KCNC2: variants seen among roughly 807,000 people sequenced by gnomAD.
KCNC2 encodes potassium voltage-gated channel subfamily C member 2.
KCNC2 carries 21 observed loss-of-function variants against 44.5 expected under a neutral mutation model. The ratio of observed to expected loss-of-function variants is 0.47; its 90% CI spans 0.33 to 0.68. KCNC2 has a LOEUF of 0.68. KCNC2 is among the 30% of genes least tolerant of loss of function. KCNC2 has a pLI of 0.01. For synonymous variants in KCNC2, 391 were observed against 339.1 expected, an observed-to-expected ratio of 1.15 and a Z score of -1.68; for missense variants, 589 against 826.2, an observed-to-expected ratio of 0.71 and a Z score of 3.52.
chr12:75,204,382 C>T (rs995484680), intron 2 of KCNC2, among the ~76,000 whole-genome samples: 1 of 151,872 alleles, frequency 6.6e-6, no homozygotes, highest in Non-Finnish European at 1.5e-5. Context: ...GTTTTGTCTG[C>T]CATTTAAATC....
At chr12:75,107,032 T>C (rs1350721333) in intron 2 of KCNC2, among the ~76,000 whole-genome samples, 6 of 151,612 alleles carry the variant, frequency 4.0e-5, no homozygotes, top group Middle Eastern at 3.2e-3. Context: ...GGGCTGGGCG[T>C]GGTGGCTCAC....
At chr12:75,162,659 G>A (rs897128314) in intron 2 of KCNC2, among the ~76,000 whole-genome samples, 1 of 151,668 alleles carries the variant, frequency 6.6e-6, no homozygotes, top group Non-Finnish European at 1.5e-5. Flanking sequence ...CATAAAAAGA[G>A]GCTTGCCCTG....
At chr12:75,178,638 G>A (rs1892355136) in intron 2 of KCNC2, among the ~76,000 whole-genome samples, 1 of 151,878 alleles carries the variant, frequency 6.6e-6, no homozygotes, top group South Asian at 2.1e-4. Context: ...ACCCTCAAAT[G>A]GGGATTAAAT....
At chr12:75,120,154 C>T (rs1369886004) in intron 2 of KCNC2, among the ~76,000 whole-genome samples, 2 of 152,176 alleles carry the variant, frequency 1.3e-5, no homozygotes, top group African/African-American at 4.8e-5. Context: ...TAGTCATTTG[C>T]ATTTAAGGGG....
chr12:75,083,614 T>G (rs1884699907), intron 2 of KCNC2, among the ~76,000 whole-genome samples: 1 of 151,920 alleles, frequency 6.6e-6, no homozygotes, highest in Non-Finnish European at 1.5e-5. Flanking sequence ...CCATCAACAT[T>G]AACAGAGATA....
chr12:75,189,882 C>G (rs1040545223), intron 2 of KCNC2, among the ~76,000 whole-genome samples: 2 of 152,166 alleles, frequency 1.3e-5, no homozygotes, highest in African/African-American at 4.8e-5. Flanking sequence ...TCTGTAACCT[C>G]GTGGATTTTC....
chr12:75,192,740 G>A (rs1401564687), intron 2 of KCNC2, among the ~76,000 whole-genome samples: 1 of 152,120 alleles, frequency 6.6e-6, no homozygotes, highest in Non-Finnish European at 1.5e-5. Flanking sequence ...AAGAAACATT[G>A]CCTTTGTGGG....
chr12:75,089,475 G>A lies in KCNC2; in HGVS notation c.688-38158C>T, dbSNP rs905832610. Among the ~76,000 whole-genome samples the A allele has an allele frequency of 4.6e-5, 7 of 151,406 alleles. No homozygotes were observed. In the South Asian group the frequency reaches 6.2e-4, roughly 13 times the overall value. On this transcript the variant is annotated intron_variant, in intron 2 of 4. Coordinates refer to ENST00000549446, the MANE Select transcript of KCNC2 (RefSeq NM_139137.4). ...AGATTATCTTGTCTACAGTGAAACC[G>A]GTTAAATAAAAATACAATCCACCTA...
intron 2 of KCNC2, among the ~76,000 whole-genome samples, chr12:75,183,971 T>C (rs1892768316): frequency 6.6e-6 from 1 of 152,104 alleles, no homozygotes; most frequent in African/African-American, 2.4e-5. Context: ...ATCATACCAC[T>C]GGCCCACTTG....
At chr12:75,196,685 C>CAA (rs1565687391) in intron 2 of KCNC2, among the ~76,000 whole-genome samples, 1 of 152,000 alleles carries the variant, frequency 6.6e-6, no homozygotes, top group East Asian at 1.9e-4. Flanking sequence ...TCATATTTAG[C>CAA]GTATTCAGTC....
At chr12:75,117,098 A>C (rs1887714132) in intron 2 of KCNC2, among the ~76,000 whole-genome samples, 1 of 152,026 alleles carries the variant, frequency 6.6e-6, no homozygotes, top group Non-Finnish European at 1.5e-5. Context: ...TTAAAAAAAA[A>C]ATAAAGGAAA....
At chr12:75,195,229 A>G (rs1165265155) in intron 2 of KCNC2, among the ~76,000 whole-genome samples, 1 of 152,164 alleles carries the variant, frequency 6.6e-6, no homozygotes, top group African/African-American at 2.4e-5. Context: ...TTATCTCACT[A>G]ACTTGTTATG....
At chr12:75,046,604 G>C (rs1466119137) in intron 4 of KCNC2, among the ~76,000 whole-genome samples, 3 of 151,710 alleles carry the variant, frequency 2.0e-5, no homozygotes, top group African/African-American at 7.2e-5. Context: ...ATATTAGTTT[G>C]ATATGATGAT....
rs535570227 is a variant in KCNC2 at position 75,197,925 on chromosome 12, A to G, written c.687+9372T>C. On this transcript the variant is annotated intron_variant, in intron 2 of 4. Coordinates refer to ENST00000549446, the MANE Select transcript of KCNC2 (RefSeq NM_139137.4). ...GATAGATAAATCAGCGATGAATTGAATCAATGATGAAAAAAATTGAAAAAG... is the reference window on the plus strand; with the variant it reads ...GATAGATAAATCAGCGATGAATTGAGTCAATGATGAAAAAAATTGAAAAAG... 2.6e-5 allele frequency among the ~76,000 whole-genome samples: 4 copies of G among 152,110 alleles called. No individual in the cohort carries two copies. In the East Asian group the frequency reaches 7.7e-4, roughly 29 times the overall value.
chr12:75,088,510 A>G (rs1257818371), intron 2 of KCNC2, among the ~76,000 whole-genome samples: 1 of 152,090 alleles, frequency 6.6e-6, no homozygotes, highest in Admixed American at 6.6e-5. Flanking sequence ...CAAAATATCC[A>G]AACACAACAG....
intron 2 of KCNC2, among the ~76,000 whole-genome samples, chr12:75,081,824 C>T (rs540646830): frequency 1.3e-5 from 2 of 152,058 alleles, no homozygotes; most frequent in Non-Finnish European, 2.9e-5. Flanking sequence ...ACAAGCATCA[C>T]CCATATTAGT....
chr12:75,120,294 A>T (rs1393660387), intron 2 of KCNC2, among the ~76,000 whole-genome samples: 6 of 152,192 alleles, frequency 3.9e-5, no homozygotes, highest in Admixed American at 3.9e-4. Flanking sequence ...TAGACCACAG[A>T]CAGATTCCTG....
intron 2 of KCNC2, among the ~76,000 whole-genome samples, chr12:75,206,999 G>C (rs1286373421): frequency 6.6e-6 from 1 of 152,196 alleles, no homozygotes; most frequent in African/African-American, 2.4e-5. Flanking sequence ...ACCCGTTTCA[G>C]GACAGGGTCC....
chr12:75,042,621 C>G lies in KCNC2; in HGVS notation c.*484G>C. The G allele has an allele frequency of 7.9e-7, 1 of 1,269,684 alleles. No individual in the cohort carries two copies. The highest frequency in any genetic ancestry group is 3.4e-5 in the East Asian group (1 of 29,382). The allele number at this position is 1,269,684 out of a possible 1,614,324, so 78.7% of individuals were successfully genotyped here. A position where few individuals can be genotyped will look rare whatever the true frequency, so the allele number is the denominator to read the frequency against. On this transcript the variant is annotated 3_prime_UTR_variant, in exon 5 of 5. Coordinates refer to ENST00000549446, the MANE Select transcript of KCNC2 (RefSeq NM_139137.4). ...CTGAGCTATCCACAGTCCCCGAACT[C>G]TGCAACATTGCTTTCAGGTGATAGA...
Sources: gnomAD v4.1 joint callset for allele counts (sites outside exome capture counted in the v4.1 genomes callset) on GRCh38, gnomAD v4.1.1 for gene constraint, MANE v1.5 for transcripts, NCBI Gene and HGNC (gene_info 2026-07-23, HGNC 2026-07-21) for gene names.